Variants in PSME4 observed in about 807,000 individuals in gnomAD.
PSME4 encodes proteasome activator complex subunit 4.
In PSME4, 89 loss-of-function variants were observed where a neutral mutation model predicts 253.9. The observed-to-expected ratio is 0.35, with a 90% CI of 0.30 to 0.42. The LOEUF is 0.42. Ranked by LOEUF, PSME4 falls within the 10% of genes least tolerant of loss-of-function variation. The probability of loss-of-function intolerance (pLI) is 1.00; values close to 1 mark genes in which losing one functional copy is unlikely to be tolerated. For missense variants in PSME4, 2,014 were observed against 2,195.2 expected, an observed-to-expected ratio of 0.92 and a Z score of 1.65; for synonymous variants, 851 against 759.2, an observed-to-expected ratio of 1.12 and a Z score of -1.99.
At chr2:53,936,062 T>A in intron 7 of PSME4, 25 bp downstream of exon 7, 1 of 1,602,188 alleles carries the variant, frequency 6.2e-7, no homozygotes, top group South Asian at 1.1e-5. Flanking sequence ...TGCCTGATAA[T>A]TTTTTTCCCC....
At chr2:53,928,432 T>A in intron 10 of PSME4, 129 bp from the exon 11 acceptor site, 1 of 703,804 alleles carries the variant, frequency 1.4e-6, no homozygotes, top group Non-Finnish European at 2.2e-6. Context: ...ATACTCAGAG[T>A]GAAAATCTGC....
chr2:53,900,162 A>T (rs1680329908), intron 28 of PSME4, 145 bp from the exon 29 acceptor site: 1 of 805,560 alleles, frequency 1.2e-6, no homozygotes, highest in Non-Finnish European at 1.9e-6. Context: ...AATATCTAAT[A>T]ATGGGCAAAT....
chr2:53,926,802 A>C (rs1336962084), intron 12 of PSME4, among the ~76,000 whole-genome samples: 1 of 151,682 alleles, frequency 6.6e-6, no homozygotes, highest in Non-Finnish European at 1.5e-5. Flanking sequence ...ATGAAACCCC[A>C]TCTCTACTAA....
At chr2:53,934,516 T>A in intron 8 of PSME4, 89 bp downstream of exon 8, 1 of 1,341,040 alleles carries the variant, frequency 7.5e-7, no homozygotes, top group Non-Finnish European at 1.0e-6. Flanking sequence ...CAAGCCACTA[T>A]TATCAACTTC....
At position 53,927,502 on chromosome 2, in the gene PSME4, G is replaced by C. The variant is rs200219440; in HGVS notation, c.1504-19C>G. 2.0e-6 allele frequency: 3 copies of C among 1,477,490 alleles called. No individual in the cohort carries two copies. The highest frequency in any genetic ancestry group is 2.3e-5 in the East Asian group (1 of 44,190). 91.5% of individuals were successfully genotyped at this position (1,477,490 alleles called of 1,614,324 possible). On this transcript the variant is annotated intron_variant, in intron 11 of 46. Coordinates refer to ENST00000404125, the MANE Select transcript of PSME4 (RefSeq NM_014614.3). Reference sequence around the variant, plus strand: ...ATGTGATCTGTGGAAACATACAAAGGATTTTCAACATTACATAATTCTAAT... The same window carrying C: ...ATGTGATCTGTGGAAACATACAAAGCATTTTCAACATTACATAATTCTAAT...
At chr2:53,893,304 T>C (rs1345393640) in intron 35 of PSME4, among the ~76,000 whole-genome samples, 3 of 152,172 alleles carry the variant, frequency 2.0e-5, no homozygotes, top group East Asian at 3.8e-4. Context: ...CCTAGGTGTA[T>C]GTGGGGAAAT....
chr2:53,962,400 C>CAA (rs113383017), intron 1 of PSME4, among the ~76,000 whole-genome samples: 20 of 53,758 alleles, frequency 3.7e-4, no homozygotes, highest in African/African-American at 8.7e-4. Flanking sequence ...ACAAGCTTGC[C>CAA]AAAAAAAAAA....
Position 53,919,204 on chromosome 2 carries a change from T to G in PSME4, c.2463A>C (p.Leu821Phe), listed in dbSNP as rs781711702. 7 of 1,611,870 alleles carry G rather than the reference T, an allele frequency of 4.3e-6. No homozygotes were observed. In the Admixed American group the frequency reaches 1.2e-4, roughly 27 times the overall value. The change falls in exon 20 of 47, where the codon TTA (leucine) becomes TTC (phenylalanine). Residue 821 changes from leucine (L) to phenylalanine (F), a missense_variant. Leu to Phe is a conservative substitution (Grantham distance 22). Transcript: ENST00000404125. ...GAGGTAGGAGGTTTCCAGAGCCAAT[T>G]AAACAGTTGTGCACTATAGTCAGAC... ...LQSLTIVHNC[L>F]IGSGNLLPPL...
In PSME4 at chr2:53,920,996, T is replaced by C; in HGVS notation, c.2155A>G (p.Asn719Asp). The C allele has an allele frequency of 6.2e-7, 1 of 1,614,098 alleles. No homozygotes were observed. Among genetic ancestry groups the C allele is most frequent in the Non-Finnish European group, 8.5e-7 (1 of 1,179,956 alleles). Residue 719 changes from asparagine to aspartate, a missense_variant, in exon 18 of 47, where the codon AAC becomes GAC. This residue lies in a region of PSME4 where 989 missense variants were observed against 1,021.1 expected (regional missense o/e 0.97). Coordinates refer to ENST00000404125, the MANE Select transcript of PSME4 (RefSeq NM_014614.3). Reference protein sequence around the residue: ...TCKQGYTLSCNLLHHLLRSTT... With the variant: ...TCKQGYTLSCDLLHHLLRSTT... ...GAACGGAGAAGATGATGCAAAAGGT[T>C]ACAAGACAGAGTGTAACCCTGCTTA...
rs191675074 is a variant in PSME4, at chr2:53,965,659, T to C, written c.242+4884A>G. ...AATTTCAAGTTTAAAATTTTGGTTGTGTGTTTTTTTGTTTTTTTTTTTTTG... is the reference window on the plus strand; with the variant it reads ...AATTTCAAGTTTAAAATTTTGGTTGCGTGTTTTTTTGTTTTTTTTTTTTTG... On this transcript the variant is annotated intron_variant, in intron 1 of 46. Coordinates refer to ENST00000404125, the MANE Select transcript of PSME4 (RefSeq NM_014614.3). Among the ~76,000 whole-genome samples the C allele has an allele frequency of 5.0e-5, 7 of 138,632 alleles. No individual in the cohort carries two copies. The East Asian group carries it at 1.7e-3, about 33-fold the overall frequency. The allele number at this position is 138,632 out of a possible 152,430, so 90.9% of individuals were successfully genotyped here. A position where few individuals can be genotyped will look rare whatever the true frequency, so the allele number is the denominator to read the frequency against.
chr2:53,957,283 T>C (rs1346967224), intron 1 of PSME4, among the ~76,000 whole-genome samples: 1 of 152,198 alleles, frequency 6.6e-6, no homozygotes, highest in Non-Finnish European at 1.5e-5. Context: ...GGACATTATA[T>C]TTATTGTGCA....
At chr2:53,922,316 G>C (rs1668363371) in intron 17 of PSME4, among the ~76,000 whole-genome samples, 1 of 152,186 alleles carries the variant, frequency 6.6e-6, no homozygotes, top group Non-Finnish European at 1.5e-5. Flanking sequence ...AAACTAAGTA[G>C]ATGGCTGAAC....
chr2:53,907,064 A>T (rs1485574798), intron 24 of PSME4, among the ~76,000 whole-genome samples, 196 bp from the exon 25 acceptor site: 1 of 152,164 alleles, frequency 6.6e-6, no homozygotes, highest in Non-Finnish European at 1.5e-5. Context: ...CAGTAGAAAT[A>T]TCCCCCTTTT....
intron 7 of PSME4, 59 bp downstream of exon 7, chr2:53,936,028 G>C (rs992372093): frequency 9.6e-6 from 15 of 1,560,894 alleles, no homozygotes; most frequent in South Asian, 2.4e-5. Context: ...CGAGCAGCTG[G>C]GATTACAGGC....
rs1291674116 is a variant in PSME4, at chr2:53,932,677, C to A, written c.1041G>T (p.Gly347=). The change falls in exon 9 of 47, where the codon GGG becomes GGT. Residue 347 remains glycine, a synonymous_variant. Transcript: ENST00000404125. ...ITSFYHPSNN[G]RWLNKLMKLL... is the part of the protein sequence containing the mutation. ...AAACGAAGTTACTCACCAGCCAGCG[C>A]CCATTATTTGAAGGATGGTAAAAAG... The A allele has an allele frequency of 6.2e-6, 10 of 1,611,820 alleles. No individual in the cohort carries two copies. The highest frequency in any genetic ancestry group is 8.5e-6 in the Non-Finnish European group (10 of 1,177,932).
chr2:53,882,348 G>A (rs1040457261), intron 41 of PSME4, among the ~76,000 whole-genome samples: 2 of 152,124 alleles, frequency 1.3e-5, no homozygotes, highest in Non-Finnish European at 2.9e-5. Context: ...CTCAATTTAG[G>A]ATGCAATATC....
At chr2:53,936,953 T>C (rs545633942) in intron 5 of PSME4, 126 bp from the exon 6 acceptor site, 11 of 635,404 alleles carry the variant, frequency 1.7e-5, no homozygotes, top group Admixed American at 5.8e-5. Context: ...AAAACAATAC[T>C]GAAGTTATAA....
At chr2:53,873,974 A>T (rs1553403325) in intron 43 of PSME4, among the ~76,000 whole-genome samples, 1 of 152,154 alleles carries the variant, frequency 6.6e-6, no homozygotes, top group Non-Finnish European at 1.5e-5. Flanking sequence ...TTTTTATTTA[A>T]TTTTTTTGAG....
chr2:53,952,233 C>T (rs571120824), intron 1 of PSME4, among the ~76,000 whole-genome samples: 38 of 151,794 alleles, frequency 2.5e-4, no homozygotes, highest in African/African-American at 8.7e-4. Flanking sequence ...ATTAGGAGTT[C>T]GAGACCACCA....
Sources: gnomAD v4.1 joint callset for allele counts (sites outside exome capture counted in the v4.1 genomes callset) on GRCh38, gnomAD v4.1.1 for gene constraint, gnomAD v4.1.1 regional missense constraint, MANE v1.5 for transcripts, NCBI Gene and HGNC (gene_info 2026-07-23, HGNC 2026-07-21) for gene names.